FGF13: variants seen among roughly 807,000 people sequenced by gnomAD.
FGF13 encodes the protein fibroblast growth factor homologous factor 2.
Under a neutral mutation model 19.5 loss-of-function variants are expected in FGF13, and 2 were observed. The observed-to-expected ratio is 0.10, with a 90% confidence interval of 0.04 to 0.32. The LOEUF is 0.32. Ranked by LOEUF, FGF13 falls within the 10% of genes least tolerant of loss-of-function variation. FGF13 has a pLI of 1.00. For synonymous variants in FGF13, 72 were observed against 76.9 expected (o/e 0.94, Z 0.33); for missense variants, 113 against 192.7 (o/e 0.59, Z 2.45).
At chrX:139,133,344 G>GAAA (rs35534771) in intron 1 of FGF13, among the ~76,000 whole-genome samples, 3 of 67,681 alleles carry the variant, frequency 4.4e-5, no homozygotes, top group African/African-American at 1.1e-4. Flanking sequence ...GGGACCACGT[G>GAAA]AAAAAAAAAA....
intron 1 of FGF13, among the ~76,000 whole-genome samples, chrX:139,019,396 A>G (rs1259713712): frequency 9.0e-6 from 1 of 111,408 alleles, no homozygotes; most frequent in African/African-American, 3.3e-5. Context: ...AAATATGGGA[A>G]AAAAGGAGGG....
At chrX:139,090,741 G>A (rs1488244372) in intron 1 of FGF13, among the ~76,000 whole-genome samples, 2 of 109,706 alleles carry the variant, frequency 1.8e-5, no homozygotes, top group African/African-American at 6.6e-5. Flanking sequence ...AGGAATTCAA[G>A]ACCAGTCTTG....
chrX:138,813,484 G>A (rs775450177), intron 3 of FGF13, among the ~76,000 whole-genome samples: 1 of 111,723 alleles, frequency 9.0e-6, no homozygotes, highest in Non-Finnish European at 1.9e-5. Flanking sequence ...AACAACACCT[G>A]CCTCCTTGTT....
intron 1 of FGF13, among the ~76,000 whole-genome samples, chrX:139,164,222 A>G (rs1175522183): frequency 1.8e-5 from 2 of 110,512 alleles, no homozygotes; most frequent in African/African-American, 6.6e-5. Context: ...GTCATCTAGC[A>G]TTAGGTATAT....
intron 3 of FGF13, among the ~76,000 whole-genome samples, chrX:138,665,687 T>C (rs1173821635): frequency 9.0e-6 from 1 of 111,218 alleles, no homozygotes; most frequent in African/African-American, 3.3e-5. Context: ...CTGTAAGTGC[T>C]TGTCAGATGA....
At chrX:138,838,405 T>A (rs2091127616) in intron 3 of FGF13, among the ~76,000 whole-genome samples, 1 of 111,854 alleles carries the variant, frequency 8.9e-6, no homozygotes, top group Non-Finnish European at 1.9e-5. Flanking sequence ...TAGCTCTGTG[T>A]GTCAGGCTGA....
rs773993594 is a variant in FGF13 at position 138,629,851 on chromosome X, C to T, written c.*2999G>A. 8.9e-6 allele frequency: 1 copy of T among 111,735 alleles called. No homozygotes were observed. 9.2% of individuals were successfully genotyped at this position (111,735 alleles called of 1,213,427 possible). A position where few individuals can be genotyped will look rare whatever the true frequency, so the allele number is the denominator to read the frequency against. On this transcript the variant is annotated 3_prime_UTR_variant, in exon 5 of 5. Transcript: ENST00000315930. ...GTGAAGTCCAGTGATCTGAGTCTTA[C>T]AAGCCTTCCAGGTGATTCTGATGTG...
intron 1 of FGF13, among the ~76,000 whole-genome samples, chrX:139,059,541 C>A (rs1210769688): frequency 9.0e-6 from 1 of 111,566 alleles, no homozygotes; most frequent in African/African-American, 3.3e-5. Context: ...CTGAACTTTT[C>A]CAACAATCTC....
intron 2 of FGF13, among the ~76,000 whole-genome samples, chrX:138,858,731 G>A (rs923640437): frequency 5.6e-5 from 6 of 107,975 alleles, no homozygotes; most frequent in African/African-American, 2.1e-4. Flanking sequence ...ATTTCTTGTG[G>A]GGTGAATAAT....
intron 1 of FGF13, among the ~76,000 whole-genome samples, chrX:138,938,301 G>A (rs1311417043): frequency 1.8e-5 from 2 of 111,326 alleles, no homozygotes; most frequent in Non-Finnish European, 3.8e-5. Context: ...ATGGAGGGAT[G>A]GCTGAAATAG....
intron 1 of FGF13, among the ~76,000 whole-genome samples, chrX:139,165,531 T>C (rs761197017): frequency 9.0e-6 from 1 of 111,520 alleles, no homozygotes; most frequent in South Asian, 3.8e-4. Context: ...TGGATATTTT[T>C]TACTCTGCCC....
chrX:139,077,913 C>T (rs1013091018), intron 1 of FGF13, among the ~76,000 whole-genome samples: 18 of 111,534 alleles, frequency 1.6e-4, no homozygotes, highest in African/African-American at 5.8e-4. Flanking sequence ...TAAATGATTG[C>T]CCAAGGGCAC....
At chrX:138,903,258 C>G (rs1303919564) in intron 1 of FGF13, among the ~76,000 whole-genome samples, 1 of 111,609 alleles carries the variant, frequency 9.0e-6, no homozygotes, top group Non-Finnish European at 1.9e-5. Context: ...TAAAACTATA[C>G]TCTATCAGCT....
intron 2 of FGF13, among the ~76,000 whole-genome samples, chrX:138,705,153 T>G (rs1459170684): frequency 8.9e-6 from 1 of 112,174 alleles, no homozygotes; most frequent in Non-Finnish European, 1.9e-5. Flanking sequence ...TATCAGTATA[T>G]GCTTGACACC....
intron 4 of FGF13, among the ~76,000 whole-genome samples, chrX:138,634,280 C>T (rs2089155850): frequency 8.9e-6 from 1 of 111,732 alleles, no homozygotes; most frequent in South Asian, 3.7e-4. Context: ...CTGTAAGCTC[C>T]GCCTCCCAGG....
chrX:138,869,575 C>T (rs1455134435), intron 1 of FGF13, among the ~76,000 whole-genome samples: 1 of 111,986 alleles, frequency 8.9e-6, no homozygotes, highest in African/African-American at 3.2e-5. Flanking sequence ...TTCAATTTGG[C>T]CCCAACATTG....
At chrX:139,180,672 T>C (rs1175761342) in intron 1 of FGF13, among the ~76,000 whole-genome samples, 2 of 111,164 alleles carry the variant, frequency 1.8e-5, no homozygotes, top group African/African-American at 6.5e-5. Flanking sequence ...ATGGAGATGA[T>C]GATGTGCGCA....
chrX:138,810,013 A>C (rs1455636208), intron 3 of FGF13, among the ~76,000 whole-genome samples: 2 of 111,916 alleles, frequency 1.8e-5, no homozygotes, highest in Non-Finnish European at 3.8e-5. Context: ...AAATGGCCAT[A>C]CTGCCCAAGG....
intron 3 of FGF13, among the ~76,000 whole-genome samples, chrX:138,671,757 A>T (rs971366259): frequency 1.9e-5 from 2 of 104,614 alleles, no homozygotes; most frequent in Middle Eastern, 9.8e-3. Context: ...TTTATTCAAT[A>T]AATGTACATT....
Sources: gnomAD v4.1 joint callset for allele counts (sites outside exome capture counted in the v4.1 genomes callset) on GRCh38, gnomAD v4.1.1 for gene constraint, MANE v1.5 for transcripts, NCBI Gene and HGNC (gene_info 2026-07-23, HGNC 2026-07-21) for gene names.